ORC2: variants seen among roughly 807,000 people sequenced by gnomAD.
ORC2 encodes the protein origin recognition complex subunit 2.
ORC2 carries 37 observed loss-of-function variants against 77.7 expected under a neutral mutation model. The observed-to-expected ratio is 0.48, with a 90% CI of 0.37 to 0.63. The LOEUF (loss-of-function observed/expected upper bound fraction) is 0.63. Among genes scored for constraint, ORC2 ranks in the 20% least tolerant of loss-of-function variants. The probability of loss-of-function intolerance (pLI) is 0.00; values close to 1 mark genes in which losing one functional copy is unlikely to be tolerated. For synonymous variants in ORC2, 201 were observed against 229.5 expected (o/e 0.88, Z 1.12); for missense variants, 557 against 661.9 (o/e 0.84, Z 1.74).
chr2:200,947,309 G>C (rs2041267838), intron 5 of ORC2, among the ~76,000 whole-genome samples: 1 of 152,142 alleles, frequency 6.6e-6, no homozygotes, highest in Non-Finnish European at 1.5e-5. Flanking sequence ...TGTATTTAAT[G>C]TTACACATTT....
Position 200,935,746 on chromosome 2 carries a change from G to C in ORC2, c.661C>G (p.Pro221Ala), listed in dbSNP as rs2041030470. Residue 221 changes from proline to alanine, a missense_variant, in exon 9 of 18, where the codon CCT (proline) becomes GCT (alanine). Physicochemically the swap from Pro to Ala is conservative, Grantham distance 27. Coordinates refer to ENST00000234296, the MANE Select transcript of ORC2 (RefSeq NM_006190.5). The stretch of plus-strand genomic sequence containing the variant: ...TTAGAAGGTGTTTCTTTGCCAACAG[G>C]AGCTGAAACTACTCTATTCTGAGCT... Reference protein sequence around the residue: ...IQAQNRVVSAPVGKETPSKRM... With the variant: ...IQAQNRVVSAAVGKETPSKRM... 1 of 1,613,272 alleles carries C rather than the reference G, an allele frequency of 6.2e-7. No individual in the cohort carries two copies.
chr2:200,927,717 A>C (rs547463760), intron 11 of ORC2, among the ~76,000 whole-genome samples: 2 of 147,526 alleles, frequency 1.4e-5, no homozygotes, highest in Admixed American at 6.8e-5. Flanking sequence ...ATTAATAATA[A>C]TTTTTTTTTT....
At chr2:200,946,919 T>C (rs2041260106) in intron 5 of ORC2, among the ~76,000 whole-genome samples, 1 of 152,196 alleles carries the variant, frequency 6.6e-6, no homozygotes, top group South Asian at 2.1e-4. Flanking sequence ...TTCTTGTTTT[T>C]TCAGATGGAG....
intron 8 of ORC2, among the ~76,000 whole-genome samples, chr2:200,936,494 G>C (rs2041050314): frequency 6.6e-6 from 1 of 152,160 alleles, no homozygotes; most frequent in Non-Finnish European, 1.5e-5. Context: ...GAAAAATGCT[G>C]GTGGCAGAGT....
intron 11 of ORC2, among the ~76,000 whole-genome samples, chr2:200,928,103 C>T (rs936417253): frequency 6.6e-6 from 1 of 152,102 alleles, no homozygotes; most frequent in Non-Finnish European, 1.5e-5. Context: ...CGCCTGTAAT[C>T]CCAGCACTTT....
At chr2:200,950,588 G>A (rs1013101114) in intron 4 of ORC2, among the ~76,000 whole-genome samples, 1 of 152,184 alleles carries the variant, frequency 6.6e-6, no homozygotes, top group Non-Finnish European at 1.5e-5. Context: ...GACATGATGT[G>A]ATAACAAGTT....
chr2:200,939,553 G>A (rs1165418042), intron 7 of ORC2, among the ~76,000 whole-genome samples: 2 of 152,074 alleles, frequency 1.3e-5, no homozygotes. Context: ...TTTAAGACAC[G>A]ATCTTCACTG....
chr2:200,928,741 G>A (rs1412274971), intron 11 of ORC2, among the ~76,000 whole-genome samples: 1 of 151,484 alleles, frequency 6.6e-6, no homozygotes, highest in African/African-American at 2.4e-5. Context: ...GTGAACACGG[G>A]AGGCAGAGCT....
chr2:200,923,394 G>A (rs944533849), intron 13 of ORC2, among the ~76,000 whole-genome samples: 3 of 151,970 alleles, frequency 2.0e-5, no homozygotes, highest in Non-Finnish European at 4.4e-5. Flanking sequence ...GATTACAGGT[G>A]CGCACCACCA....
At chr2:200,961,762 G>A (rs1034584230) in intron 1 of ORC2, among the ~76,000 whole-genome samples, 51 of 152,186 alleles carry the variant, frequency 3.4e-4, no homozygotes, top group Non-Finnish European at 1.3e-4. Flanking sequence ...TGCTAATAGG[G>A]AGTCTGCATC....
intron 8 of ORC2, among the ~76,000 whole-genome samples, chr2:200,936,595 ACTTAAATGT>A: frequency 6.6e-6 from 1 of 152,236 alleles, no homozygotes; most frequent in Non-Finnish European, 1.5e-5. Flanking sequence ...GATGTGAGAT[ACTTAAATGT>A]CTATGGCTTA....
intron 5 of ORC2, 54 bp from the exon 6 acceptor site, chr2:200,942,831 G>A: frequency 1.9e-6 from 2 of 1,066,100 alleles, no homozygotes; most frequent in South Asian, 1.5e-5. Flanking sequence ...TAGATAAAGA[G>A]GGAAATAACC....
At chr2:200,915,507 T>C (rs2040632097) in intron 15 of ORC2, among the ~76,000 whole-genome samples, 1 of 152,156 alleles carries the variant, frequency 6.6e-6, no homozygotes, top group Admixed American at 6.5e-5. Context: ...ACTGTACGTA[T>C]TTCTTTGTAT....
At chr2:200,914,760 G>T (rs1273100263) in intron 15 of ORC2, among the ~76,000 whole-genome samples, 2 of 152,068 alleles carry the variant, frequency 1.3e-5, no homozygotes, top group Middle Eastern at 3.2e-3. Context: ...AATAAAATAT[G>T]AAAGTATTTT....
At chr2:200,919,344 CA>C (rs1385291476) in intron 15 of ORC2, among the ~76,000 whole-genome samples, 18 of 152,190 alleles carry the variant, frequency 1.2e-4, no homozygotes, top group Non-Finnish European at 1.5e-5. Flanking sequence ...CTTCTTTCAA[CA>C]GGCTAATTAT....
intron 5 of ORC2, among the ~76,000 whole-genome samples, chr2:200,947,191 C>T (rs927035975): frequency 4.0e-5 from 6 of 151,828 alleles, no homozygotes; most frequent in Admixed American, 6.6e-5. Context: ...AGCGAGCCAC[C>T]GCGACCAACC....
intron 17 of ORC2, among the ~76,000 whole-genome samples, chr2:200,912,003 T>C (rs2040558695): frequency 6.6e-6 from 1 of 152,236 alleles, no homozygotes; most frequent in African/African-American, 2.4e-5. Flanking sequence ...CAGCAGCATC[T>C]GACACTGCTG....
chr2:200,953,136 C>T (rs1181759853), intron 4 of ORC2, among the ~76,000 whole-genome samples: 1 of 143,408 alleles, frequency 7.0e-6, no homozygotes, highest in Non-Finnish European at 1.5e-5. Flanking sequence ...AAAAAAAAGG[C>T]AATACTGTTC....
intron 4 of ORC2, among the ~76,000 whole-genome samples, chr2:200,950,382 C>T (rs1431357776): frequency 1.3e-5 from 2 of 152,096 alleles, no homozygotes; most frequent in African/African-American, 4.8e-5. Context: ...CTTCAATCTC[C>T]TCTTTAAATA....
Sources: allele counts gnomAD v4.1 joint callset (sites outside exome capture counted in the v4.1 genomes callset), GRCh38; gene constraint gnomAD v4.1.1; transcripts MANE v1.5; gene names NCBI Gene and HGNC (gene_info 2026-07-23, HGNC 2026-07-21).